Variants in SCN9A observed in about 807,000 individuals in gnomAD.
The protein encoded by SCN9A is sodium channel protein type 9 subunit alpha.
In SCN9A, 131 loss-of-function variants were observed where a neutral mutation model predicts 187.0. The observed-to-expected ratio is 0.70, with a 90% confidence interval of 0.61 to 0.81. The LOEUF is 0.81. Ranked by LOEUF, SCN9A falls within the 30% of genes least tolerant of loss-of-function variation. SCN9A has a pLI of 0.00. For synonymous variants in SCN9A, 809 were observed against 808.6 expected (o/e 1.00, Z -0.01); for missense variants, 2,252 against 2,396.6 (o/e 0.94, Z 1.26).
chr2:166,294,298 C>G (rs1401531741), intron 8 of SCN9A, among the ~76,000 whole-genome samples: 1 of 152,078 alleles, frequency 6.6e-6, no homozygotes, highest in South Asian at 2.1e-4. Context: ...GAAAGAAGAC[C>G]TGAAATTATC....
intron 7 of SCN9A, among the ~76,000 whole-genome samples, chr2:166,300,540 C>T (rs1698508878): frequency 6.6e-6 from 1 of 150,746 alleles, no homozygotes; most frequent in South Asian, 2.1e-4. Flanking sequence ...TTTGTCTGTT[C>T]CCCCTTAAAC....
intron 18 of SCN9A, among the ~76,000 whole-genome samples, chr2:166,247,268 T>G (rs1338956070): frequency 6.6e-6 from 1 of 151,614 alleles, no homozygotes; most frequent in African/African-American, 2.4e-5. Flanking sequence ...ATAATTAATT[T>G]AAAAATTGAT....
intron 1 of SCN9A, among the ~76,000 whole-genome samples, chr2:166,342,378 G>A (rs1699807450): frequency 1.3e-5 from 2 of 152,090 alleles, no homozygotes; most frequent in African/African-American, 4.8e-5. Context: ...ATGTGCCAAT[G>A]GTCAACTACT....
At chr2:166,297,012 A>C (rs1011222526) in intron 7 of SCN9A, among the ~76,000 whole-genome samples, 2 of 151,694 alleles carry the variant, frequency 1.3e-5, no homozygotes, top group African/African-American at 4.8e-5. Context: ...CCTGGCTAAC[A>C]CAATGAAACC....
At chr2:166,348,059 G>A (rs1699944744) in intron 1 of SCN9A, among the ~76,000 whole-genome samples, 1 of 152,158 alleles carries the variant, frequency 6.6e-6, no homozygotes, top group African/African-American at 2.4e-5. Flanking sequence ...AAGATGGTAG[G>A]TTCTTCCAGC....
intron 1 of SCN9A, among the ~76,000 whole-genome samples, chr2:166,350,459 A>C (rs1307047816): frequency 2.0e-5 from 3 of 152,220 alleles, no homozygotes; most frequent in Admixed American, 2.0e-4. Flanking sequence ...TGATTTTAGG[A>C]ATTCAGAAAT....
intron 1 of SCN9A, among the ~76,000 whole-genome samples, chr2:166,344,594 A>T (rs544456517): frequency 1.3e-5 from 2 of 152,334 alleles, no homozygotes; most frequent in African/African-American, 4.8e-5. Context: ...ATTCATCAGC[A>T]TGTTAGATCT....
At chr2:166,361,612 A>G (rs961739665) in intron 1 of SCN9A, among the ~76,000 whole-genome samples, 2 of 152,148 alleles carry the variant, frequency 1.3e-5, no homozygotes, top group Non-Finnish European at 2.9e-5. Flanking sequence ...ATTTAATAAC[A>G]AAAACATTGG....
intron 15 of SCN9A, chr2:166,277,802 C>A (rs1415714307): frequency 4.1e-6 from 1 of 243,100 alleles, no homozygotes; most frequent in Non-Finnish European, 7.7e-6. Flanking sequence ...TCTTTAATTA[C>A]CAAATTCATA....
At chr2:166,288,357 C>T in intron 10 of SCN9A, 80 bp downstream of exon 10, 1 of 1,086,684 alleles carries the variant, frequency 9.2e-7, no homozygotes, top group Non-Finnish European at 1.3e-6. Context: ...CTGGAGAAGG[C>T]CAAGCATATA....
intron 18 of SCN9A, among the ~76,000 whole-genome samples, chr2:166,249,828 C>G (rs138065581): frequency 5.3e-5 from 8 of 151,862 alleles, no homozygotes; most frequent in Admixed American, 5.3e-4. Flanking sequence ...ATTGATAAGC[C>G]CAACTTCTTT....
At chr2:166,288,120 T>G (rs55712911) in intron 10 of SCN9A, among the ~76,000 whole-genome samples, 1 of 135,562 alleles carries the variant, frequency 7.4e-6, no homozygotes, top group Admixed American at 7.4e-5. Context: ...TATATATATA[T>G]ACACACACAT....
In SCN9A at chr2:166,272,418, T is replaced by G. The variant is rs753287730; in HGVS notation, c.3332A>C (p.Asp1111Ala). The change falls in exon 17 of 27, where the codon GAT becomes GCT. Residue 1111 changes from aspartate (D) to alanine (A), a missense_variant. Coordinates refer to ENST00000642356, the MANE Select transcript of SCN9A (RefSeq NM_001365536.1). ...TCTTACCACTTTGCTGTATTCACTA[T>G]CCGAATCACTGCTAAGTTCCTCAGC... Reference protein sequence around the residue: ...MNAEELSSDSDSEYSKVRLNR... With the variant: ...MNAEELSSDSASEYSKVRLNR... 2 of 1,597,078 alleles carry G rather than the reference T, an allele frequency of 1.3e-6. No homozygotes were observed. Among genetic ancestry groups the G allele is most frequent in the African/African-American group, 1.3e-5 (1 of 74,638 alleles).
At chr2:166,274,820 G>T (rs1697161193) in intron 16 of SCN9A, among the ~76,000 whole-genome samples, 1 of 152,064 alleles carries the variant, frequency 6.6e-6, no homozygotes, top group Non-Finnish European at 1.5e-5. Context: ...CAGTGTCCAT[G>T]ATCAAATATT....
intron 1 of SCN9A, among the ~76,000 whole-genome samples, chr2:166,341,345 T>C (rs909752532): frequency 6.6e-6 from 1 of 152,222 alleles, no homozygotes; most frequent in East Asian, 1.9e-4. Context: ...AAAGGTGACA[T>C]TGAGATTTAC....
chr2:166,199,118 T>C lies in SCN9A; in HGVS notation c.5521A>G (p.Ile1841Val), dbSNP rs772335195. 1 of 1,614,146 alleles carries C rather than the reference T, an allele frequency of 6.2e-7. No individual in the cohort carries two copies. The highest frequency in any genetic ancestry group is 1.1e-5 in the South Asian group (1 of 91,082). ...ACACGCTTTGTAAAAGCAAATAAGA[T>C]GTCAAGACAATGGATCCGGTCACCA... is the stretch of plus-strand genomic sequence containing the variant. ...VSGDRIHCLD[I>V]LFAFTKRVLG... The change falls in exon 27 of 27, where the codon ATC becomes GTC. Residue 1841 changes from isoleucine (I) to valine (V), a missense_variant. Around this residue, in one of 7 missense-constraint regions of SCN9A, gnomAD observed 345 missense variants for 344.6 expected, o/e 1.00. Transcript: ENST00000642356.
chr2:166,202,359 C>A (rs918059729), intron 26 of SCN9A, among the ~76,000 whole-genome samples: 2 of 151,540 alleles, frequency 1.3e-5, no homozygotes, highest in Non-Finnish European at 1.5e-5. Flanking sequence ...GGTAATTATA[C>A]ATTAAAGTTT....
chr2:166,329,157 C>T (rs1193880182), intron 1 of SCN9A, among the ~76,000 whole-genome samples: 2 of 151,938 alleles, frequency 1.3e-5, no homozygotes, highest in Non-Finnish European at 2.9e-5. Flanking sequence ...TTTTAAAATG[C>T]CATCATAATA....
chr2:166,239,333 T>C (rs1030189147), intron 19 of SCN9A, among the ~76,000 whole-genome samples: 9 of 152,188 alleles, frequency 5.9e-5, no homozygotes, highest in Non-Finnish European at 1.5e-5. Context: ...ATTAACCCTG[T>C]TGGATAAAAT....
Sources: allele counts gnomAD v4.1 joint callset (sites outside exome capture counted in the v4.1 genomes callset), GRCh38; gene constraint gnomAD v4.1.1; regional missense constraint gnomAD v4.1.1; transcripts MANE v1.5; gene names NCBI Gene and HGNC (gene_info 2026-07-23, HGNC 2026-07-21).